The following SAXO1 variants were observed in gnomAD, a reference collection of about 807,000 sequenced individuals.
SAXO1 encodes stabilizer of axonemal microtubules 1, also known as 4930500O09Rik.
SAXO1 carries 21 observed loss-of-function variants against 17.5 expected under a neutral mutation model. The ratio of observed to expected loss-of-function variants is 1.20; its 90% CI spans 0.85 to 1.72. The LOEUF (loss-of-function observed/expected upper bound fraction) is 1.72, where lower values mean the gene tolerates loss of function less well. SAXO1 is among the 40% of genes most tolerant of loss of function. The pLI is 0.00. For synonymous variants in SAXO1, 274 were observed against 216.5 expected (o/e 1.27, Z -2.33); for missense variants, 843 against 596.0 (o/e 1.41, Z -4.32).
intron 1 of SAXO1, among the ~76,000 whole-genome samples, chr9:18,997,000 C>T (rs1444531343): frequency 4.6e-5 from 7 of 152,030 alleles, no homozygotes; most frequent in Non-Finnish European, 8.8e-5. Context: ...ATAGGAACAG[C>T]TCTGGTCTAC....
intron 1 of SAXO1, among the ~76,000 whole-genome samples, chr9:18,969,216 T>C (rs1320896365): frequency 1.3e-5 from 2 of 152,208 alleles, no homozygotes; most frequent in Non-Finnish European, 2.9e-5. Flanking sequence ...TTTAAGCTGA[T>C]GATAAATGCA....
intron 1 of SAXO1, among the ~76,000 whole-genome samples, chr9:18,972,325 T>G (rs1832973020): frequency 6.6e-6 from 1 of 152,232 alleles, no homozygotes; most frequent in Non-Finnish European, 1.5e-5. Flanking sequence ...CATCTCAAAT[T>G]ACTGAAGAAA....
At chr9:19,025,776 A>T (rs185313472) in intron 1 of SAXO1, among the ~76,000 whole-genome samples, 2 of 152,344 alleles carry the variant, frequency 1.3e-5, no homozygotes, top group East Asian at 3.9e-4. Flanking sequence ...CCCTTCATTA[A>T]CAATTTTTTA....
intron 1 of SAXO1, among the ~76,000 whole-genome samples, chr9:19,028,380 A>C (rs769665889): frequency 6.6e-6 from 1 of 152,230 alleles, no homozygotes; most frequent in East Asian, 1.9e-4. Flanking sequence ...CGTCTCAAAA[A>C]AAATAAAAAA....
rs559538255 is a variant in SAXO1 at position 18,929,905 on chromosome 9, G to A, written c.422-850C>T. ...AGTTAGGGAATACCAACTACATGTC[G>A]GTCAATTGTGCTCAAGTCTTTCCAT... On this transcript the variant is annotated intron_variant, in intron 3 of 3. Transcript: ENST00000380534. Among the ~76,000 whole-genome samples the A allele has an allele frequency of 7.0e-4, 107 of 152,254 alleles. 1 individual carries two copies. The highest frequency in any genetic ancestry group is 1.2e-3 in the Non-Finnish European group (80 of 68,010).
chr9:19,025,116 A>G (rs1433433736), intron 1 of SAXO1, among the ~76,000 whole-genome samples: 1 of 152,254 alleles, frequency 6.6e-6, no homozygotes, highest in Non-Finnish European at 1.5e-5. Context: ...GCCATTTTTA[A>G]GGAGCATAAC....
chr9:18,937,193 C>A (rs1831333261), intron 3 of SAXO1, among the ~76,000 whole-genome samples: 1 of 152,186 alleles, frequency 6.6e-6, no homozygotes. Flanking sequence ...CTCATAAATG[C>A]ATGGGGTTAT....
At chr9:18,987,003 C>A (rs1482411017) in intron 1 of SAXO1, among the ~76,000 whole-genome samples, 1 of 152,170 alleles carries the variant, frequency 6.6e-6, no homozygotes, top group Non-Finnish European at 1.5e-5. Flanking sequence ...TTAATAGATA[C>A]AACACAATTC....
At chr9:19,018,168 A>C (rs1835070447) in intron 1 of SAXO1, among the ~76,000 whole-genome samples, 1 of 139,826 alleles carries the variant, frequency 7.2e-6, no homozygotes, top group Non-Finnish European at 1.6e-5. Flanking sequence ...ACCCCATCTC[A>C]AAAAAAAAAA....
At chr9:19,021,532 G>GA (rs199560484) in intron 1 of SAXO1, among the ~76,000 whole-genome samples, 1,759 of 152,254 alleles carry the variant, frequency 0.012, 35 homozygotes, top group African/African-American at 0.04. Context: ...CTCTGGACCT[G>GA]AAAAAACACC....
At position 19,004,111 on chromosome 9, in the gene SAXO1, C is replaced by T. The variant is rs139381475; in HGVS notation, c.38+28760G>A. Among the ~76,000 whole-genome samples, 279 of 152,250 alleles carry T rather than the reference C, an allele frequency of 1.8e-3. 2 individuals are homozygous for T. The highest frequency in any genetic ancestry group is 6.5e-3 in the African/African-American group (270 of 41,534). On this transcript the variant is annotated intron_variant, in intron 1 of 3. Transcript: ENST00000380534. ...CACTCCTCAAAAGAAGATATTTATGCAGCCAACAGACATATGAAAAAATGC... is the reference window on the plus strand; with the variant it reads ...CACTCCTCAAAAGAAGATATTTATGTAGCCAACAGACATATGAAAAAATGC...
chr9:18,995,951 C>A (rs143829251), intron 1 of SAXO1, among the ~76,000 whole-genome samples: 10 of 151,812 alleles, frequency 6.6e-5, no homozygotes, highest in African/African-American at 2.2e-4. Flanking sequence ...TGGTGGTGTA[C>A]GCCTGTAATC....
chr9:18,946,279 CAAAAAA>C (rs56858815), intron 2 of SAXO1, among the ~76,000 whole-genome samples: 1 of 34,482 alleles, frequency 2.9e-5, no homozygotes, highest in Non-Finnish European at 7.3e-5. Context: ...TTCATCTCAC[CAAAAAA>C]AAAAAAAAAA....
chr9:19,013,534 G>A (rs1032094652), intron 1 of SAXO1, among the ~76,000 whole-genome samples: 1 of 140,144 alleles, frequency 7.1e-6, no homozygotes, highest in African/African-American at 2.6e-5. Flanking sequence ...GAAACTAAAA[G>A]TACGGATTTT....
chr9:18,941,942 C>G (rs1831582849), intron 2 of SAXO1, 103 bp from the exon 3 acceptor site: 8 of 1,062,054 alleles, frequency 7.5e-6, no homozygotes, highest in South Asian at 2.8e-5. Context: ...AAGTCCTGTT[C>G]TACTCTACCT....
chr9:18,969,480 T>C (rs1023737998), intron 1 of SAXO1, among the ~76,000 whole-genome samples: 10 of 152,202 alleles, frequency 6.6e-5, no homozygotes, highest in African/African-American at 2.2e-4. Context: ...CTCTAATCCC[T>C]ATTTTAAAAC....
intron 1 of SAXO1, among the ~76,000 whole-genome samples, chr9:19,011,284 A>G (rs1197214517): frequency 6.6e-6 from 1 of 152,234 alleles, no homozygotes; most frequent in East Asian, 1.9e-4. Flanking sequence ...CTGCTGAGGC[A>G]TTTGAGCCCA....
At chr9:18,992,729 T>C (rs1285780286) in intron 1 of SAXO1, among the ~76,000 whole-genome samples, 2 of 151,940 alleles carry the variant, frequency 1.3e-5, no homozygotes, top group Non-Finnish European at 2.9e-5. Context: ...ATGAGGGAGA[T>C]GACTACGATC....
chr9:19,040,209 A>G (rs1035794620), intron 1 of SAXO1, among the ~76,000 whole-genome samples: 20 of 152,252 alleles, frequency 1.3e-4, no homozygotes, highest in Non-Finnish European at 1.5e-4. Flanking sequence ...GGTAGAGTTT[A>G]CATGCTTTTC....
Sources: gnomAD v4.1 joint callset for allele counts (sites outside exome capture counted in the v4.1 genomes callset) on GRCh38, gnomAD v4.1.1 for gene constraint, MANE v1.5 for transcripts, NCBI Gene and HGNC (gene_info 2026-07-23, HGNC 2026-07-21) for gene names.